Variants in AUTS2 observed in about 807,000 individuals in gnomAD.
The protein encoded by AUTS2 is autism susceptibility gene 2 protein.
A neutral mutation model predicts 112.4 loss-of-function variants in AUTS2; 17 were observed. The ratio of observed to expected loss-of-function variants is 0.15; its 90% CI spans 0.10 to 0.23. The LOEUF is 0.23. AUTS2 is among the 10% of genes least tolerant of loss of function. The pLI, the probability that AUTS2 is intolerant of heterozygous loss-of-function variation, is 1.00. For missense variants in AUTS2, 1,510 were observed against 1,701.6 expected (o/e 0.89, Z 1.98); for synonymous variants, 751 against 702.7 (o/e 1.07, Z -1.09).
intron 3 of AUTS2, among the ~76,000 whole-genome samples, chr7:70,121,719 AC>A (rs1481471698): frequency 6.6e-6 from 1 of 152,182 alleles, no homozygotes; most frequent in African/African-American, 2.4e-5. Flanking sequence ...GAATATTCAT[AC>A]ATTACTGGTG....
chr7:70,252,585 TGAA>T (rs1260007098), intron 4 of AUTS2, among the ~76,000 whole-genome samples: 3 of 152,296 alleles, frequency 2.0e-5, no homozygotes, highest in Non-Finnish European at 2.9e-5. Flanking sequence ...TTTTTTGCCA[TGAA>T]GAAGATTTTT....
At chr7:69,876,095 G>A (rs550841130) in intron 1 of AUTS2, among the ~76,000 whole-genome samples, 16 of 151,210 alleles carry the variant, frequency 1.1e-4, no homozygotes, top group African/African-American at 3.4e-4. Flanking sequence ...GGCCAGGTGT[G>A]GTGGCTCATA....
At chr7:70,442,815 T>G (rs1054846847) in intron 5 of AUTS2, among the ~76,000 whole-genome samples, 2 of 152,186 alleles carry the variant, frequency 1.3e-5, no homozygotes, top group African/African-American at 4.8e-5. Flanking sequence ...GGATGCGTGA[T>G]TTCCGTGATG....
chr7:69,607,342 A>G (rs1384645652), intron 1 of AUTS2, among the ~76,000 whole-genome samples: 2 of 152,034 alleles, frequency 1.3e-5, no homozygotes, highest in Non-Finnish European at 2.9e-5. Flanking sequence ...TCTCTCCTTC[A>G]TATCCTTCTT....
chr7:70,143,316 T>C (rs1048114298), intron 4 of AUTS2, among the ~76,000 whole-genome samples: 3 of 152,224 alleles, frequency 2.0e-5, no homozygotes, highest in African/African-American at 7.2e-5. Flanking sequence ...ATTTAAAATG[T>C]GTTTTGCTCA....
intron 2 of AUTS2, among the ~76,000 whole-genome samples, chr7:69,993,621 C>A (rs1798827642): frequency 6.6e-6 from 1 of 152,026 alleles, no homozygotes; most frequent in Admixed American, 6.6e-5. Context: ...GTGGTACCAG[C>A]TACTTAGGAG....
intron 1 of AUTS2, among the ~76,000 whole-genome samples, chr7:69,888,049 G>A (rs1458484079): frequency 6.6e-6 from 1 of 152,192 alleles, no homozygotes; most frequent in Non-Finnish European, 1.5e-5. Flanking sequence ...AGTGGCTCAT[G>A]CCTCTAATCC....
chr7:70,765,978 C>T (rs972771736), intron 8 of AUTS2, 136 bp from the exon 9 acceptor site: 33 of 1,428,312 alleles, frequency 2.3e-5, no homozygotes, highest in South Asian at 2.9e-5. Context: ...TGATTGCCCC[C>T]GTTTATCTCA....
At chr7:69,947,935 C>T (rs1796880186) in intron 2 of AUTS2, among the ~76,000 whole-genome samples, 2 of 152,132 alleles carry the variant, frequency 1.3e-5, no homozygotes, top group African/African-American at 4.8e-5. Flanking sequence ...TTGTAAGTGG[C>T]ATTTCTGTTT....
chr7:70,539,846 T>A (rs1275144478), intron 5 of AUTS2, among the ~76,000 whole-genome samples: 2 of 152,136 alleles, frequency 1.3e-5, no homozygotes, highest in Admixed American at 6.5e-5. Flanking sequence ...AGAAAAAAAG[T>A]CTGCCAACAA....
intron 4 of AUTS2, among the ~76,000 whole-genome samples, chr7:70,219,471 C>A (rs565635685): frequency 2.5e-4 from 38 of 151,996 alleles, no homozygotes; most frequent in Middle Eastern, 3.4e-3. Flanking sequence ...ATAGACATCA[C>A]AGTAAAAGAT....
intron 1 of AUTS2, among the ~76,000 whole-genome samples, chr7:69,736,331 C>T (rs943282898): frequency 2.0e-5 from 3 of 152,142 alleles, no homozygotes; most frequent in Non-Finnish European, 4.4e-5. Flanking sequence ...ATTCCCTAGG[C>T]ATCTGAATTG....
chr7:69,908,590 T>C (rs1795237567), intron 2 of AUTS2, among the ~76,000 whole-genome samples: 1 of 152,186 alleles, frequency 6.6e-6, no homozygotes, highest in Non-Finnish European at 1.5e-5. Context: ...TTCTGGAACA[T>C]TATACCTGCA....
At chr7:69,952,572 T>A (rs1797067950) in intron 2 of AUTS2, among the ~76,000 whole-genome samples, 1 of 152,138 alleles carries the variant, frequency 6.6e-6, no homozygotes. Context: ...TGGGCATGAG[T>A]TTCTGCCTCT....
chr7:70,163,023 T>C (rs1323628867), intron 4 of AUTS2, among the ~76,000 whole-genome samples: 1 of 151,982 alleles, frequency 6.6e-6, no homozygotes, highest in African/African-American at 2.4e-5. Context: ...AGGAAGAGGT[T>C]TGCTTTTTTT....
At chr7:70,701,542 T>C (rs1407955644) in intron 6 of AUTS2, among the ~76,000 whole-genome samples, 1 of 152,248 alleles carries the variant, frequency 6.6e-6, no homozygotes, top group Non-Finnish European at 1.5e-5. Flanking sequence ...CCCTGTGTTA[T>C]AGATGCCATC....
chr7:70,639,071 A>G (rs1344628228), intron 5 of AUTS2, among the ~76,000 whole-genome samples: 1 of 152,178 alleles, frequency 6.6e-6, no homozygotes, highest in East Asian at 1.9e-4. Context: ...CATAACTCTT[A>G]CAAATGTAAA....
At chr7:70,002,783 T>G (rs1305384186) in intron 2 of AUTS2, among the ~76,000 whole-genome samples, 2 of 152,054 alleles carry the variant, frequency 1.3e-5, no homozygotes, top group Non-Finnish European at 2.9e-5. Flanking sequence ...ATAGAAACAT[T>G]GAAGGTAAGA....
At chr7:70,382,999 A>AT (rs1562926360) in intron 4 of AUTS2, among the ~76,000 whole-genome samples, 1 of 152,124 alleles carries the variant, frequency 6.6e-6, no homozygotes, top group Non-Finnish European at 1.5e-5. Flanking sequence ...AAGTCTATAT[A>AT]TTTTTCCAGA....
Sources: allele counts gnomAD v4.1 joint callset (sites outside exome capture counted in the v4.1 genomes callset), GRCh38; gene constraint gnomAD v4.1.1; transcripts MANE v1.5; gene names NCBI Gene and HGNC (gene_info 2026-07-23, HGNC 2026-07-21).